AGBL4: variants seen among roughly 807,000 people sequenced by gnomAD.
AGBL4 encodes the protein cytosolic carboxypeptidase 6.
Under a neutral mutation model 66.4 loss-of-function variants are expected in AGBL4, and 58 were observed. The observed-to-expected ratio is 0.87, with a 90% CI of 0.71 to 1.09. AGBL4 has a LOEUF of 1.09. AGBL4 is among the 50% of genes least tolerant of loss of function. AGBL4 has a pLI of 0.00. For missense variants in AGBL4, 579 were observed against 631.0 expected (o/e 0.92, Z 0.88); for synonymous variants, 234 against 222.9 (o/e 1.05, Z -0.44).
intron 2 of AGBL4, among the ~76,000 whole-genome samples, chr1:49,741,767 G>A (rs112259348): frequency 0.69 from 104,362 of 152,022 alleles, 36,593 homozygotes; most frequent in African/African-American, 0.78. Flanking sequence ...AATAAATGTA[G>A]TCCAGCATAT....
chr1:49,160,805 T>G (rs1019277248), intron 4 of AGBL4, among the ~76,000 whole-genome samples: 1 of 152,152 alleles, frequency 6.6e-6, no homozygotes, highest in African/African-American at 2.4e-5. Flanking sequence ...TGACCTGTGG[T>G]GGGCTCCAAC....
chr1:49,498,704 T>C (rs976544345), intron 3 of AGBL4, among the ~76,000 whole-genome samples: 6 of 151,884 alleles, frequency 4.0e-5, no homozygotes, highest in Non-Finnish European at 7.4e-5. Flanking sequence ...TAGAGGTGCA[T>C]TGGTCATATA....
chr1:49,235,784 G>A (rs1650684376), intron 4 of AGBL4, among the ~76,000 whole-genome samples: 1 of 152,118 alleles, frequency 6.6e-6, no homozygotes, highest in East Asian at 1.9e-4. Context: ...AGAGAGCACA[G>A]TATGAAAATC....
intron 3 of AGBL4, among the ~76,000 whole-genome samples, chr1:49,379,355 A>G: frequency 6.6e-6 from 1 of 152,098 alleles, no homozygotes; most frequent in East Asian, 1.9e-4. Flanking sequence ...AGCAGAGTTT[A>G]TGTCTTATTT....
intron 4 of AGBL4, among the ~76,000 whole-genome samples, chr1:49,203,622 G>A (rs1313713172): frequency 1.3e-5 from 2 of 152,084 alleles, no homozygotes; most frequent in Non-Finnish European, 2.9e-5. Context: ...AGGGGAAATG[G>A]GAAGTTGTTG....
chr1:49,964,134 G>C (rs1474136452), intron 1 of AGBL4, among the ~76,000 whole-genome samples: 1 of 152,024 alleles, frequency 6.6e-6, no homozygotes, highest in African/African-American at 2.4e-5. Flanking sequence ...GCGGATTCAG[G>C]ATTCTTCCTT....
chr1:49,508,104 G>A (rs1648862259), intron 3 of AGBL4, among the ~76,000 whole-genome samples: 1 of 151,742 alleles, frequency 6.6e-6, no homozygotes, highest in Admixed American at 6.6e-5. Flanking sequence ...ACTAATCCAA[G>A]ATTAAACAAT....
chr1:49,683,335 AT>A (rs1053755346), intron 3 of AGBL4, among the ~76,000 whole-genome samples: 25 of 152,278 alleles, frequency 1.6e-4, no homozygotes, highest in African/African-American at 6.0e-4. Flanking sequence ...CAACATATCC[AT>A]TTTTTAAAGG....
At chr1:48,675,697 C>G (rs981838861) in intron 6 of AGBL4, among the ~76,000 whole-genome samples, 2 of 152,148 alleles carry the variant, frequency 1.3e-5, no homozygotes, top group African/African-American at 4.8e-5. Flanking sequence ...AGGATGCTGT[C>G]TGATATCACA....
intron 3 of AGBL4, among the ~76,000 whole-genome samples, chr1:49,584,855 T>A (rs549081234): frequency 4.5e-4 from 68 of 152,286 alleles, no homozygotes; most frequent in African/African-American, 1.6e-3. Flanking sequence ...TTATTTCTAT[T>A]CCAAATATGA....
intron 5 of AGBL4, among the ~76,000 whole-genome samples, chr1:48,946,405 C>T (rs766560508): frequency 2.6e-5 from 4 of 152,168 alleles, no homozygotes; most frequent in Non-Finnish European, 5.9e-5. Flanking sequence ...ACAGCTTGAT[C>T]GATAATGAGG....
intron 6 of AGBL4, among the ~76,000 whole-genome samples, chr1:48,806,458 G>C (rs1402883751): frequency 6.6e-6 from 1 of 152,140 alleles, no homozygotes; most frequent in Admixed American, 6.5e-5. Context: ...CATTCACATT[G>C]AGCAAAATCC....
intron 3 of AGBL4, among the ~76,000 whole-genome samples, chr1:49,367,224 G>C (rs1181771895): frequency 6.6e-6 from 1 of 152,224 alleles, no homozygotes. Context: ...AATGTTGGAA[G>C]AAACTGGTGG....
intron 3 of AGBL4, among the ~76,000 whole-genome samples, chr1:49,334,793 T>C (rs1448745726): frequency 6.6e-6 from 1 of 152,150 alleles, no homozygotes; most frequent in Non-Finnish European, 1.5e-5. Flanking sequence ...ACTCCATTTA[T>C]AGCCATGTGT....
At chr1:49,896,205 A>T (rs1476552133) in intron 1 of AGBL4, among the ~76,000 whole-genome samples, 1 of 152,122 alleles carries the variant, frequency 6.6e-6, no homozygotes, top group African/African-American at 2.4e-5. Flanking sequence ...ATATATATGT[A>T]CCCAATATTG....
intron 6 of AGBL4, among the ~76,000 whole-genome samples, chr1:48,847,072 G>T (rs1261270921): frequency 6.6e-6 from 1 of 152,028 alleles, no homozygotes; most frequent in African/African-American, 2.4e-5. Context: ...AGGCCGAGGG[G>T]GGTGGATCAC....
intron 4 of AGBL4, among the ~76,000 whole-genome samples, chr1:49,143,260 G>T (rs997618616): frequency 1.3e-5 from 2 of 152,176 alleles, no homozygotes; most frequent in Admixed American, 1.3e-4. Context: ...GGCACATACT[G>T]CTGCCTTTGC....
intron 3 of AGBL4, among the ~76,000 whole-genome samples, chr1:49,631,369 C>T (rs371291411): frequency 2.0e-5 from 3 of 152,120 alleles, no homozygotes; most frequent in African/African-American, 7.2e-5. Context: ...CCCTTAATTG[C>T]TTTTTGATTG....
chr1:49,160,450 C>T (rs899465809), intron 4 of AGBL4, among the ~76,000 whole-genome samples: 9 of 152,136 alleles, frequency 5.9e-5, no homozygotes, highest in Admixed American at 5.2e-4. Flanking sequence ...CCACCAGATG[C>T]CAGCTGGAGC....
Sources: gnomAD v4.1 joint callset for allele counts (sites outside exome capture counted in the v4.1 genomes callset) on GRCh38, gnomAD v4.1.1 for gene constraint, MANE v1.5 for transcripts, NCBI Gene and HGNC (gene_info 2026-07-23, HGNC 2026-07-21) for gene names.